SLC25A10: variants seen among roughly 807,000 people sequenced by gnomAD.
SLC25A10 encodes the protein solute carrier family 25 member 10.
In SLC25A10, 32 loss-of-function variants were observed where a neutral mutation model predicts 40.4. That is an observed-to-expected ratio of 0.79 (90% confidence interval 0.60 to 1.06). The LOEUF is 1.06. SLC25A10 is among the 50% of genes least tolerant of loss of function. The pLI is 0.00. For missense variants in SLC25A10, 394 were observed against 402.6 expected, an observed-to-expected ratio of 0.98 and a Z score of 0.18; for synonymous variants, 181 against 171.1, an observed-to-expected ratio of 1.06 and a Z score of -0.45.
At chr17:81,713,618 C>CTTCCTGTCGCTG in intron 1 of SLC25A10, 3 of 374,590 alleles carry the variant, frequency 8.0e-6, no homozygotes, top group Non-Finnish European at 1.1e-5. Flanking sequence ...GCCACAGCGA[C>CTTCCTGTCGCTG]AGGAAGGCGC....
intron 9 of SLC25A10, among the ~76,000 whole-genome samples, chr17:81,718,821 C>T (rs564172960): frequency 6.3e-5 from 9 of 142,700 alleles, no homozygotes; most frequent in South Asian, 2.3e-4. Flanking sequence ...TGGTGGCGCA[C>T]GCCTGTAATC....
Position 81,717,852 on chromosome 17 carries a change from G to A in SLC25A10, c.696G>A (p.Gly232=), listed in dbSNP as rs1245675385. ...VLKTRLMNSK[G]EYQGVFHCAV... is the part of the protein sequence containing the mutation. ...AGACTCGCCTGATGAACTCCAAGGGGGAGTATCAGGTGAGTGGGGCCCTGC... is the reference window on the plus strand; with the variant it reads ...AGACTCGCCTGATGAACTCCAAGGGAGAGTATCAGGTGAGTGGGGCCCTGC... The change falls in exon 9 of 11, where the codon GGG becomes GGA. Residue 232 remains glycine (G), a synonymous_variant. Coordinates refer to ENST00000350690, the MANE Select transcript of SLC25A10 (RefSeq NM_012140.5). The A allele has an allele frequency of 6.2e-7, 1 of 1,608,364 alleles. No homozygotes were observed. Among genetic ancestry groups the A allele is most frequent in the Non-Finnish European group, 8.5e-7 (1 of 1,178,194 alleles).
chr17:81,715,939 C>A, intron 4 of SLC25A10, 70 bp from the exon 5 acceptor site: 2 of 1,515,376 alleles, frequency 1.3e-6, no homozygotes, highest in Non-Finnish European at 1.8e-6. Context: ...AGCGTGAGCT[C>A]CCCTGTGCTG....
chr17:81,719,731 A>C, intron 9 of SLC25A10, 100 bp from the exon 10 acceptor site: 6 of 1,420,904 alleles, frequency 4.2e-6, no homozygotes, highest in Non-Finnish European at 5.9e-6. Flanking sequence ...CACATTGAGA[A>C]TGCCCAGGCC....
In SLC25A10 at chr17:81,720,449, G is replaced by T; in HGVS notation, c.*372G>T. The T allele has an allele frequency of 7.4e-7, 1 of 1,344,126 alleles. No individual in the cohort carries two copies. Among genetic ancestry groups the T allele is most frequent in the Non-Finnish European group, 9.5e-7 (1 of 1,053,910 alleles). The allele number at this position is 1,344,126 out of a possible 1,614,324, so 83.3% of individuals were successfully genotyped here. A position where few individuals can be genotyped will look rare whatever the true frequency, so the allele number is the denominator to read the frequency against. On this transcript the variant is annotated 3_prime_UTR_variant, in exon 11 of 11. Transcript: ENST00000350690. ...CCGATGCCCAAAGCAGCATCTTCCA[G>T]CACTTTCCATCGAGGACTTGGGTGG...
chr17:81,717,460 T>A lies in SLC25A10; in HGVS notation c.596T>A (p.Ile199Asn). 6.2e-7 allele frequency: 1 copy of A among 1,613,626 alleles called. No individual in the cohort carries two copies. The highest frequency in any genetic ancestry group is 8.5e-7 in the Non-Finnish European group (1 of 1,179,908). ...VLSTGYLSDNIFTHFVASFIA... is the reference protein window; with the variant it reads ...VLSTGYLSDNNFTHFVASFIA... ...AGCACCGGGTACCTCTCTGACAACA[T>A]CTTCACTCACTTTGTCGCCAGCTTT... The change falls in exon 8 of 11, where the codon ATC becomes AAC. Residue 199 changes from isoleucine to asparagine, a missense_variant. Physicochemically the swap from Ile to Asn is moderately radical, Grantham distance 149 (BLOSUM62 -3). Transcript: ENST00000350690.
rs778249611 is a variant in SLC25A10, at chr17:81,716,046, C to T, written c.415C>T (p.Arg139Cys). Residue 139 changes from arginine to cysteine, a missense_variant, in exon 5 of 11, where the codon CGC (arginine) becomes TGC (cysteine). Transcript: ENST00000350690. The part of the protein sequence containing the change: ...NDVKLPQGQR[R>C]NYAHALDGLY... ...CGTGAAGCTGCCCCAGGGTCAGCGGCGCAAGTGAGTCATGGGCGGCCTTCT... is the reference window on the plus strand; with the variant it reads ...CGTGAAGCTGCCCCAGGGTCAGCGGTGCAAGTGAGTCATGGGCGGCCTTCT... 3 of 1,598,154 alleles carry T rather than the reference C, an allele frequency of 1.9e-6. No homozygotes were observed. The highest frequency in any genetic ancestry group is 1.7e-5 in the Admixed American group (1 of 57,744).
At chr17:81,714,027 C>G (rs1309014730) in intron 1 of SLC25A10, among the ~76,000 whole-genome samples, 6 of 152,356 alleles carry the variant, frequency 3.9e-5, no homozygotes, top group Non-Finnish European at 8.8e-5. Flanking sequence ...ACCGTCGCAT[C>G]TGGCCGGGAC....
chr17:81,717,367 C>T (rs1428813731), intron 7 of SLC25A10, 32 bp from the exon 8 acceptor site: 6 of 1,609,362 alleles, frequency 3.7e-6, no homozygotes, highest in Admixed American at 3.3e-5. Context: ...GGGGTCCCCC[C>T]TACAGCCCTG....
chr17:81,718,677 C>T (rs1267925903), intron 9 of SLC25A10, among the ~76,000 whole-genome samples: 4 of 149,572 alleles, frequency 2.7e-5, no homozygotes, highest in Non-Finnish European at 5.9e-5. Context: ...CGGCCAGGCA[C>T]GGTGGCTCAC....
chr17:81,717,873 C>T lies in SLC25A10; in HGVS notation c.705+12C>T, dbSNP rs1330164661. ...AGGGGGAGTATCAGGTGAGTGGGGC[C>T]CTGCCTGTGCAGTTGGGCTGCACAG... On this transcript the variant is annotated intron_variant, in intron 9 of 10. Transcript: ENST00000350690. 1 of 1,597,468 alleles carries T rather than the reference C, an allele frequency of 6.3e-7. No homozygotes were observed. The highest frequency in any genetic ancestry group is 1.1e-5 in the South Asian group (1 of 89,124).
chr17:81,719,688 C>T lies in SLC25A10; in HGVS notation c.706-143C>T, dbSNP rs1568232836. ...GTGGTCACCTGTTACCAGCCAGCAG[C>T]CGCCGCTCACACCCACACCCACACC... On this transcript the variant is annotated intron_variant, in intron 9 of 10. Transcript: ENST00000350690. 2.8e-5 allele frequency: 27 copies of T among 967,866 alleles called. No individual in the cohort carries two copies. In the East Asian group the frequency reaches 6.5e-4, roughly 23 times the overall value. The allele number at this position is 967,866 out of a possible 1,614,324, so 60.0% of individuals were successfully genotyped here. A position where few individuals can be genotyped will look rare whatever the true frequency, so the allele number is the denominator to read the frequency against.
chr17:81,717,566 G>C (rs2037512918), intron 8 of SLC25A10, 75 bp downstream of exon 8: 8 of 1,545,204 alleles, frequency 5.2e-6, no homozygotes, highest in Middle Eastern at 1.7e-4. Flanking sequence ...GATGGGGCGA[G>C]GGCTGGGGGA....
Position 81,720,444 on chromosome 17 carries a change from T to G in SLC25A10, c.*367T>G. On this transcript the variant is annotated 3_prime_UTR_variant, in exon 11 of 11. Transcript: ENST00000350690. ...TGCCCCCGATGCCCAAAGCAGCATC[T>G]TCCAGCACTTTCCATCGAGGACTTG... 1 of 1,346,234 alleles carries G rather than the reference T, an allele frequency of 7.4e-7. No homozygotes were observed. The highest frequency in any genetic ancestry group is 2.2e-5 in the South Asian group (1 of 45,124). 83.4% of individuals were successfully genotyped at this position (1,346,234 alleles called of 1,614,324 possible). A position where few individuals can be genotyped will look rare whatever the true frequency, so the allele number is the denominator to read the frequency against.
Position 81,716,801 on chromosome 17 carries a change from G to A in SLC25A10, c.420-11G>A. ...GGGGAGTCTCATGTGGTCATTCTGTGTCCCCGGCAGCTACGCCCATGCGCT... is the reference window on the plus strand; with the variant it reads ...GGGGAGTCTCATGTGGTCATTCTGTATCCCCGGCAGCTACGCCCATGCGCT... On this transcript the variant is annotated splice_polypyrimidine_tract_variant and intron_variant, in intron 5 of 10. Coordinates refer to ENST00000350690, the MANE Select transcript of SLC25A10 (RefSeq NM_012140.5). 1 of 1,604,608 alleles carries A rather than the reference G, an allele frequency of 6.2e-7. No homozygotes were observed. The highest frequency in any genetic ancestry group is 8.5e-7 in the Non-Finnish European group (1 of 1,176,090).
At chr17:81,714,145 G>A (rs1013599672) in intron 1 of SLC25A10, among the ~76,000 whole-genome samples, 13 of 152,168 alleles carry the variant, frequency 8.5e-5, no homozygotes, top group African/African-American at 2.9e-4. Flanking sequence ...CGTGCGTTAC[G>A]GGGCCGCGCA....
chr17:81,715,768 A>T (rs1246957967), intron 4 of SLC25A10, 27 bp downstream of exon 4: 1 of 1,612,808 alleles, frequency 6.2e-7, no homozygotes, highest in East Asian at 2.2e-5. Context: ...CCCACCTGCA[A>T]GGCCAGGGGC....
chr17:81,716,184 T>C, intron 5 of SLC25A10, 134 bp downstream of exon 5: 1 of 956,168 alleles, frequency 1.0e-6, no homozygotes, highest in Non-Finnish European at 1.6e-6. Context: ...TGGAGGGTCC[T>C]GACGGCTGTT....
At chr17:81,717,255 C>A in intron 7 of SLC25A10, 144 bp from the exon 8 acceptor site, 2 of 1,004,582 alleles carry the variant, frequency 2.0e-6, no homozygotes, top group African/African-American at 1.6e-5. Context: ...GGACCTCGGG[C>A]AGGTGCCTCC....
Sources: allele counts gnomAD v4.1 joint callset (sites outside exome capture counted in the v4.1 genomes callset), GRCh38; gene constraint gnomAD v4.1.1; transcripts MANE v1.5; gene names NCBI Gene and HGNC (gene_info 2026-07-23, HGNC 2026-07-21).